Variants in LRRC58 observed in about 807,000 individuals in gnomAD.
The protein encoded by LRRC58 is leucine rich repeat containing 58.
Under a neutral mutation model 30.6 loss-of-function variants are expected in LRRC58, and 18 were observed. That is an observed-to-expected ratio of 0.59 (90% confidence interval 0.41 to 0.87). The LOEUF is 0.87. LRRC58 is among the 40% of genes least tolerant of loss of function. The probability of loss-of-function intolerance (pLI) is 0.00; values close to 1 mark genes in which losing one functional copy is unlikely to be tolerated. For missense variants in LRRC58, 420 were observed against 468.4 expected, an observed-to-expected ratio of 0.90 and a Z score of 0.95; for synonymous variants, 221 against 206.0, an observed-to-expected ratio of 1.07 and a Z score of -0.62.
At position 120,331,342 on chromosome 3, in the gene LRRC58, G is replaced by A. The variant is rs1254653645; in HGVS notation, c.974C>T (p.Pro325Leu). Residue 325 changes from proline to leucine, a missense_variant, in exon 4 of 4, where the codon CCA becomes CTA. Physicochemically the swap from Pro to Leu is moderately conservative, Grantham distance 98. This residue lies in a region of LRRC58 where 154 missense variants were observed against 216.8 expected (regional missense o/e 0.71). Coordinates refer to ENST00000295628, the MANE Select transcript of LRRC58 (RefSeq NM_001099678.2). ...FVDFCGKYRL[P>L]LMHYLCSPEC... is the part of the protein sequence containing the mutation. ...TGGTGAACACAAGTAGTGCATCAGTGGGAGGCGATACTTCCCACAGAAGTC... is the reference window on the plus strand; with the variant it reads ...TGGTGAACACAAGTAGTGCATCAGTAGGAGGCGATACTTCCCACAGAAGTC... 6.2e-7 allele frequency: 1 copy of A among 1,613,808 alleles called. No homozygotes were observed. Among genetic ancestry groups the A allele is most frequent in the Non-Finnish European group, 8.5e-7 (1 of 1,179,834 alleles).
rs2107618632 is a variant in LRRC58, at chr3:120,324,860, C to G, written c.*6340G>C. 1 of 152,108 alleles carries G rather than the reference C, an allele frequency of 6.6e-6. No homozygotes were observed. The highest frequency in any genetic ancestry group is 2.4e-5 in the African/African-American group (1 of 41,490). 9.4% of individuals were successfully genotyped at this position (152,108 alleles called of 1,614,324 possible). On this transcript the variant is annotated 3_prime_UTR_variant, in exon 4 of 4. Coordinates refer to ENST00000295628, the MANE Select transcript of LRRC58 (RefSeq NM_001099678.2). ...GTTGCTGAATTACACTTATTTCTAC[C>G]ATTAAGTTTTACTTATTTATCTATA...
rs959044612 is a variant in LRRC58 at position 120,327,651 on chromosome 3, C to G, written c.*3549G>C. The G allele has an allele frequency of 5.3e-5, 8 of 152,180 alleles. No homozygotes were observed. The highest frequency in any genetic ancestry group is 1.0e-4 in the Non-Finnish European group (7 of 68,036). The allele number at this position is 152,180 out of a possible 1,614,324, so 9.4% of individuals were successfully genotyped here. A position where few individuals can be genotyped will look rare whatever the true frequency, so the allele number is the denominator to read the frequency against. ...CTGGTAGAACTGGTGTGCAGTATTA[C>G]AAAACATTATTGTGGACTGCTTTTT... On this transcript the variant is annotated 3_prime_UTR_variant, in exon 4 of 4. Coordinates refer to ENST00000295628, the MANE Select transcript of LRRC58 (RefSeq NM_001099678.2).
intron 2 of LRRC58, 83 bp downstream of exon 2, chr3:120,335,742 A>T (rs1370724302): frequency 1.8e-6 from 2 of 1,128,484 alleles, no homozygotes; most frequent in Non-Finnish European, 2.5e-6. Context: ...TCTTTTCTAC[A>T]TATAAAAACA....
At chr3:120,344,539 C>A (rs1005262210) in intron 1 of LRRC58, among the ~76,000 whole-genome samples, 2 of 152,308 alleles carry the variant, frequency 1.3e-5, no homozygotes, top group South Asian at 2.1e-4. Context: ...CATTTGAGAG[C>A]ATTAACTTTT....
chr3:120,343,951 A>C (rs111782197), intron 1 of LRRC58, among the ~76,000 whole-genome samples: 2,036 of 152,264 alleles, frequency 0.013, 35 homozygotes, highest in African/African-American at 0.046. Flanking sequence ...AGGCAGGAGA[A>C]TCACCTGAAC....
intron 1 of LRRC58, among the ~76,000 whole-genome samples, chr3:120,343,591 G>A (rs897894213): frequency 4.6e-5 from 7 of 152,050 alleles, no homozygotes; most frequent in African/African-American, 1.7e-4. Flanking sequence ...AATGAATCAC[G>A]TTTCCAATCC....
rs1341860566 is a variant in LRRC58 at position 120,334,995 on chromosome 3, A to T, written c.774T>A (p.Asp258Glu). Reference protein sequence around the residue: ...VVRFVRDLTYDPPTLLELAAR... With the variant: ...VVRFVRDLTYEPPTLLELAAR... Reference sequence around the variant, plus strand: ...CAGCTAATTCCAGGAGAGTTGGAGGATCATAGGTTAAATCTCTAACAAAAC... The same window carrying T: ...CAGCTAATTCCAGGAGAGTTGGAGGTTCATAGGTTAAATCTCTAACAAAAC... Residue 258 changes from aspartate (D) to glutamate (E), a missense_variant, in exon 3 of 4, where the codon GAT becomes GAA. By Grantham distance (45) the Asp-to-Glu change is conservative. Coordinates refer to ENST00000295628, the MANE Select transcript of LRRC58 (RefSeq NM_001099678.2). 5 of 1,613,814 alleles carry T rather than the reference A, an allele frequency of 3.1e-6. No homozygotes were observed. Among genetic ancestry groups the T allele is most frequent in the Non-Finnish European group, 4.2e-6 (5 of 1,179,874 alleles).
rs1202521551 is a variant in LRRC58, at chr3:120,330,969, C to T, written c.*231G>A. The stretch of plus-strand genomic sequence containing the variant: ...AACTTGAGTGAAAACTGCAAACCAT[C>T]AGCCAAATGTGAAACTATCATTCAC... On this transcript the variant is annotated 3_prime_UTR_variant, in exon 4 of 4. Coordinates refer to ENST00000295628, the MANE Select transcript of LRRC58 (RefSeq NM_001099678.2). 3 of 503,138 alleles carry T rather than the reference C, an allele frequency of 6.0e-6. No homozygotes were observed. Among genetic ancestry groups the T allele is most frequent in the African/African-American group, 3.8e-5 (2 of 52,012 alleles). The allele number at this position is 503,138 out of a possible 1,614,324, so 31.2% of individuals were successfully genotyped here.
intron 3 of LRRC58, among the ~76,000 whole-genome samples, chr3:120,331,829 G>A (rs965574799): frequency 6.6e-6 from 1 of 152,066 alleles, no homozygotes; most frequent in African/African-American, 2.4e-5. Flanking sequence ...ATTAGTATAC[G>A]AAAAATTTTC....
At chr3:120,333,107 G>A (rs868376645) in intron 3 of LRRC58, among the ~76,000 whole-genome samples, 2,894 of 126,132 alleles carry the variant, frequency 0.023, 76 homozygotes, top group African/African-American at 0.077. Context: ...AAAAAAAAAA[G>A]AAAAAAAAAA....
At chr3:120,336,693 C>A (rs1284078066) in intron 1 of LRRC58, among the ~76,000 whole-genome samples, 1 of 151,536 alleles carries the variant, frequency 6.6e-6, no homozygotes, top group Non-Finnish European at 1.5e-5. Flanking sequence ...ATACTGTTTT[C>A]CAACAATAGG....
Position 120,335,724 on chromosome 3 carries a change from T to C in LRRC58, c.629+101A>G, listed in dbSNP as rs1439089616. Reference sequence around the variant, plus strand: ...ATTAACATATCACTTACTTTGAGAATATCTAATTCTTTTCTACATATAAAA... The same window carrying C: ...ATTAACATATCACTTACTTTGAGAACATCTAATTCTTTTCTACATATAAAA... On this transcript the variant is annotated intron_variant, in intron 2 of 3. Transcript: ENST00000295628. 1.3e-5 allele frequency: 13 copies of C among 1,011,042 alleles called. No homozygotes were observed. In the Admixed American group the frequency reaches 2.0e-4, roughly 15 times the overall value. The allele number at this position is 1,011,042 out of a possible 1,614,324, so 62.6% of individuals were successfully genotyped here.
At chr3:120,342,921 T>C (rs966320359) in intron 1 of LRRC58, among the ~76,000 whole-genome samples, 4 of 152,148 alleles carry the variant, frequency 2.6e-5, no homozygotes, top group Admixed American at 6.5e-5. Context: ...ACACATAAAT[T>C]TGTGTTGTTT....
chr3:120,343,415 T>C (rs1428944558), intron 1 of LRRC58, among the ~76,000 whole-genome samples: 1 of 152,226 alleles, frequency 6.6e-6, no homozygotes, highest in African/African-American at 2.4e-5. Flanking sequence ...GTTTAAGTTC[T>C]TGTGGTTATC....
At chr3:120,331,943 C>A (rs1935763019) in intron 3 of LRRC58, among the ~76,000 whole-genome samples, 1 of 152,132 alleles carries the variant, frequency 6.6e-6, no homozygotes, top group Non-Finnish European at 1.5e-5. Context: ...AATCTACAGG[C>A]CTCAAATCTG....
rs1935709717 is a variant in LRRC58 at position 120,328,339 on chromosome 3, C to G, written c.*2861G>C. ...TTTGGTGATGCTGAGAGAATTGATTCTAGGGATAAAGACTACTAAGAATGC... is the reference window on the plus strand; with the variant it reads ...TTTGGTGATGCTGAGAGAATTGATTGTAGGGATAAAGACTACTAAGAATGC... On this transcript the variant is annotated 3_prime_UTR_variant, in exon 4 of 4. Coordinates refer to ENST00000295628, the MANE Select transcript of LRRC58 (RefSeq NM_001099678.2). The G allele has an allele frequency of 6.6e-6, 1 of 152,252 alleles. No homozygotes were observed. The highest frequency in any genetic ancestry group is 6.5e-5 in the Admixed American group (1 of 15,280). 9.4% of individuals were successfully genotyped at this position (152,252 alleles called of 1,614,324 possible).
intron 1 of LRRC58, among the ~76,000 whole-genome samples, chr3:120,346,228 G>C (rs548494600): frequency 6.2e-4 from 94 of 152,184 alleles, no homozygotes; most frequent in African/African-American, 2.2e-3. Context: ...CTGCACTCCA[G>C]CCTGGGCAAC....
intron 1 of LRRC58, among the ~76,000 whole-genome samples, chr3:120,341,621 G>A (rs1935905352): frequency 6.6e-6 from 1 of 152,174 alleles, no homozygotes; most frequent in South Asian, 2.1e-4. Flanking sequence ...AGAGGGTGGA[G>A]CCCTCGTTAA....
At chr3:120,344,153 T>G (rs1935939066) in intron 1 of LRRC58, among the ~76,000 whole-genome samples, 2 of 151,404 alleles carry the variant, frequency 1.3e-5, no homozygotes, top group Admixed American at 1.3e-4. Flanking sequence ...GGAATTAAAG[T>G]AAGATAGGAA....
Sources: allele counts gnomAD v4.1 joint callset (sites outside exome capture counted in the v4.1 genomes callset), GRCh38; gene constraint gnomAD v4.1.1; regional missense constraint gnomAD v4.1.1; transcripts MANE v1.5; gene names NCBI Gene and HGNC (gene_info 2026-07-23, HGNC 2026-07-21).